TTC21B: variants seen among roughly 807,000 people sequenced by gnomAD.
TTC21B encodes tetratricopeptide repeat protein 21B.
In TTC21B, 127 loss-of-function variants were observed where a neutral mutation model predicts 175.1. The ratio of observed to expected loss-of-function variants is 0.73; its 90% CI spans 0.63 to 0.84. The LOEUF is 0.84. Ranked by LOEUF, TTC21B falls within the 40% of genes least tolerant of loss-of-function variation. TTC21B has a pLI of 0.00. For missense variants in TTC21B, 1,561 were observed against 1,558.3 expected (o/e 1.00, Z -0.03); for synonymous variants, 524 against 524.5 (o/e 1.00, Z 0.01).
At chr2:165,915,075 G>A in intron 15 of TTC21B, 126 bp downstream of exon 15, 1 of 794,114 alleles carries the variant, frequency 1.3e-6, no homozygotes, top group Non-Finnish European at 2.2e-6. Context: ...GAAGGAATCA[G>A]GACCACATTC....
chr2:165,908,286 C>T (rs980516722), intron 18 of TTC21B, among the ~76,000 whole-genome samples: 1 of 152,102 alleles, frequency 6.6e-6, no homozygotes, highest in Non-Finnish European at 1.5e-5. Flanking sequence ...GAGCAAGGTA[C>T]TTAACCATTC....
At position 165,901,744 on chromosome 2, in the gene TTC21B, A is replaced by G; in HGVS notation, c.2735T>C (p.Val912Ala). Residue 912 changes from valine (V) to alanine (A), a missense_variant, in exon 20 of 29, where the codon GTT becomes GCT. Transcript: ENST00000243344. ...GACCTTATTATCTGTTTCGCAGTGA[A>G]CCAGAGCCTCTCTATAAAACTTAAT... is the stretch of plus-strand genomic sequence containing the variant. Reference protein sequence around the residue: ...KAIKFYREALVHCETDNKIML... With the variant: ...KAIKFYREALAHCETDNKIML... The G allele has an allele frequency of 6.2e-7, 1 of 1,614,126 alleles. No homozygotes were observed. Among genetic ancestry groups the G allele is most frequent in the Non-Finnish European group, 8.5e-7 (1 of 1,179,978 alleles).
intron 25 of TTC21B, among the ~76,000 whole-genome samples, chr2:165,887,932 G>GTGTTTATT (rs1267546934): frequency 6.6e-6 from 1 of 152,126 alleles, no homozygotes; most frequent in Non-Finnish European, 1.5e-5. Flanking sequence ...GGGCAGCCAG[G>GTGTTTATT]TGTTTATTTC....
At chr2:165,904,577 T>G (rs1400178188) in intron 19 of TTC21B, among the ~76,000 whole-genome samples, 1 of 152,202 alleles carries the variant, frequency 6.6e-6, no homozygotes, top group African/African-American at 2.4e-5. Flanking sequence ...AGGTGACTAG[T>G]ATAGTATCCT....
At chr2:165,922,566 C>CAAAAAAAA (rs71031215) in intron 12 of TTC21B, among the ~76,000 whole-genome samples, 2 of 97,404 alleles carry the variant, frequency 2.1e-5, no homozygotes, top group Non-Finnish European at 4.1e-5. Context: ...ATTAAAAAGT[C>CAAAAAAAA]AAAAAAAAAA....
chr2:165,920,745 C>CTAAATAGTTAAAATATTTTGAAATATTT (rs1686359438), intron 12 of TTC21B, among the ~76,000 whole-genome samples: 1 of 135,938 alleles, frequency 7.4e-6, no homozygotes, highest in African/African-American at 2.8e-5. Flanking sequence ...GGGTAGGATA[C>CTAAATAGTTAAAATATTTTGAAATATTT]TAAATATTTA....
At position 165,874,641 on chromosome 2, in the gene TTC21B, A is replaced by C; in HGVS notation, c.*114T>G. On this transcript the variant is annotated 3_prime_UTR_variant, in exon 29 of 29. Coordinates refer to ENST00000243344, the MANE Select transcript of TTC21B (RefSeq NM_024753.5). The stretch of plus-strand genomic sequence containing the variant: ...CAGCAGCAACCTCTGCTGGAGAAAA[A>C]AGGGTATACTTCTAATAACAAAGCA... 3 of 911,080 alleles carry C rather than the reference A, an allele frequency of 3.3e-6. No individual in the cohort carries two copies. The highest frequency in any genetic ancestry group is 5.3e-6 in the Non-Finnish European group (3 of 562,946). 56.4% of individuals were successfully genotyped at this position (911,080 alleles called of 1,614,324 possible).
At chr2:165,939,769 T>C (rs1010540600) in intron 6 of TTC21B, among the ~76,000 whole-genome samples, 2 of 152,158 alleles carry the variant, frequency 1.3e-5, no homozygotes, top group African/African-American at 4.8e-5. Flanking sequence ...TTACCTGCCC[T>C]GAAACCTTCT....
chr2:165,917,992 C>T (rs954771072), intron 13 of TTC21B, among the ~76,000 whole-genome samples: 1 of 152,048 alleles, frequency 6.6e-6, no homozygotes, highest in East Asian at 1.9e-4. Context: ...TGGCTATCAA[C>T]AGTATATACA....
At position 165,915,306 on chromosome 2, in the gene TTC21B, T is replaced by C. The variant is rs767782976; in HGVS notation, c.2033A>G (p.Gln678Arg). 1.1e-5 allele frequency: 18 copies of C among 1,614,036 alleles called. No individual in the cohort carries two copies. In the Admixed American group the frequency reaches 3.0e-4, roughly 27 times the overall value. The change falls in exon 15 of 29, where the codon CAG (glutamine) becomes CGG (arginine). Residue 678 changes from glutamine (Q) to arginine (R), a missense_variant. Coordinates refer to ENST00000243344, the MANE Select transcript of TTC21B (RefSeq NM_024753.5). ...ATAAGGCTGTTCGGCTGTAACATTC[T>C]GAAGGATGCTTAAAGCCCGTTCAAT... is the stretch of plus-strand genomic sequence containing the variant. ...GDIERALSIL[Q>R]NVTAEQPYFI...
In TTC21B at chr2:165,888,493, A is replaced by C. The variant is rs775923873; in HGVS notation, c.3264-19T>G. 1.3e-5 allele frequency: 20 copies of C among 1,579,420 alleles called. No individual in the cohort carries two copies. Among genetic ancestry groups the C allele is most frequent in the Non-Finnish European group, 1.7e-5 (20 of 1,152,078 alleles). On this transcript the variant is annotated intron_variant, in intron 24 of 28. Coordinates refer to ENST00000243344, the MANE Select transcript of TTC21B (RefSeq NM_024753.5). ...TGAATTACTGTATATAATTAAAAAT[A>C]AATCACTTCTGTCTCTTACTCATGA... is the stretch of plus-strand genomic sequence containing the variant.
At chr2:165,909,476 T>G (rs867981376) in intron 18 of TTC21B, among the ~76,000 whole-genome samples, 2 of 151,826 alleles carry the variant, frequency 1.3e-5, no homozygotes, top group Non-Finnish European at 1.5e-5. Context: ...ATCTACAACA[T>G]GAACATTAGG....
chr2:165,897,861 G>C (rs1231366989), intron 22 of TTC21B, among the ~76,000 whole-genome samples: 1 of 152,180 alleles, frequency 6.6e-6, no homozygotes, highest in East Asian at 1.9e-4. Context: ...AATGAAGAAA[G>C]TCTTTCATTG....
intron 22 of TTC21B, among the ~76,000 whole-genome samples, chr2:165,891,574 A>AATTCATTCATTCATTCATTCATTC (rs3032516): frequency 6.7e-6 from 1 of 149,304 alleles, no homozygotes; most frequent in Non-Finnish European, 1.5e-5. Context: ...TTCTAAAAAA[A>AATTCATTCATTCATTCATTCATTC]ATTCATTCAT....
At chr2:165,940,231 A>G (rs1226765412) in intron 6 of TTC21B, among the ~76,000 whole-genome samples, 1 of 152,198 alleles carries the variant, frequency 6.6e-6, no homozygotes, top group Admixed American at 6.5e-5. Context: ...CAATGATGGC[A>G]ACAGCTTTCA....
intron 3 of TTC21B, chr2:165,947,276 G>A (rs1162147286): frequency 6.8e-6 from 1 of 147,248 alleles, no homozygotes; most frequent in Non-Finnish European, 1.5e-5. Flanking sequence ...CAATGAGGAA[G>A]AAGAAATGTA....
chr2:165,912,463 G>A (rs371384407), intron 17 of TTC21B, 51 bp downstream of exon 17: 1 of 1,381,112 alleles, frequency 7.2e-7, no homozygotes, highest in Non-Finnish European at 1.0e-6. Context: ...TCGAGGACAG[G>A]GTATGATAAA....
rs1559056827 is a variant in TTC21B, at chr2:165,915,535, T to A, written c.1900-96A>T. ...CTCATAACGCAGAATGAATAAATGCTAGTACATTTATAATATTTACGAAAT... is the reference window on the plus strand; with the variant it reads ...CTCATAACGCAGAATGAATAAATGCAAGTACATTTATAATATTTACGAAAT... On this transcript the variant is annotated intron_variant, in intron 14 of 28. Coordinates refer to ENST00000243344, the MANE Select transcript of TTC21B (RefSeq NM_024753.5). 3.1e-6 allele frequency: 3 copies of A among 976,488 alleles called. No individual in the cohort carries two copies. In the East Asian group the frequency reaches 7.2e-5, roughly 23 times the overall value. 60.5% of individuals were successfully genotyped at this position (976,488 alleles called of 1,614,324 possible).
chr2:165,914,667 G>GTT (rs142894995), intron 15 of TTC21B, among the ~76,000 whole-genome samples: 2 of 142,200 alleles, frequency 1.4e-5, no homozygotes, highest in East Asian at 4.1e-4. Context: ...CTGTGTGTGT[G>GTT]TGTGTGTGTG....
Sources: gnomAD v4.1 joint callset for allele counts (sites outside exome capture counted in the v4.1 genomes callset) on GRCh38, gnomAD v4.1.1 for gene constraint, MANE v1.5 for transcripts, NCBI Gene and HGNC (gene_info 2026-07-23, HGNC 2026-07-21) for gene names.